The following NSMCE2 variants were observed in gnomAD, a reference collection of about 807,000 sequenced individuals.
The protein encoded by NSMCE2 is NSE2 SUMO ligase component of SMC5/6 complex.
A neutral mutation model predicts 23.8 loss-of-function variants in NSMCE2; 24 were observed. The ratio of observed to expected loss-of-function variants is 1.01; its 90% CI spans 0.73 to 1.42. The LOEUF (loss-of-function observed/expected upper bound fraction) is 1.42, where lower values mean the gene tolerates loss of function less well. Ranked by LOEUF, NSMCE2 falls within the 40% of genes most tolerant of loss-of-function variation. The pLI is 0.00. For missense variants in NSMCE2, 284 were observed against 296.5 expected, an observed-to-expected ratio of 0.96 and a Z score of 0.31; for synonymous variants, 92 against 94.1, an observed-to-expected ratio of 0.98 and a Z score of 0.13.
rs925164806 is a variant in NSMCE2, at chr8:125,132,493, A to T, written c.158-18678A>T. Reference sequence around the variant, plus strand: ...AAGACAATTTTTAAATTAAAAAAAAATTTTGGTTTTTTTTTTTGAGACAGG... The same window carrying T: ...AAGACAATTTTTAAATTAAAAAAAATTTTTGGTTTTTTTTTTTGAGACAGG... On this transcript the variant is annotated intron_variant, in intron 3 of 7. Coordinates refer to ENST00000287437, the MANE Select transcript of NSMCE2 (RefSeq NM_173685.4). Among the ~76,000 whole-genome samples, 23 of 142,156 alleles carry T rather than the reference A, an allele frequency of 1.6e-4. 1 individual carries two copies. Among genetic ancestry groups the T allele is most frequent in the Non-Finnish European group, 2.1e-4 (14 of 66,092 alleles). 93.3% of individuals were successfully genotyped at this position (142,156 alleles called of 152,430 possible).
At chr8:125,236,000 G>C (rs776951822) in intron 5 of NSMCE2, among the ~76,000 whole-genome samples, 1 of 152,186 alleles carries the variant, frequency 6.6e-6, no homozygotes, top group East Asian at 1.9e-4. Flanking sequence ...TGGCAGTTAG[G>C]TTATTTGAAC....
chr8:125,145,429 A>G (rs983120782), intron 3 of NSMCE2, among the ~76,000 whole-genome samples: 1 of 152,150 alleles, frequency 6.6e-6, no homozygotes, highest in Non-Finnish European at 1.5e-5. Context: ...ACTTCTTGCA[A>G]CAGTTTCTTA....
At chr8:125,141,734 C>T (rs1207184589) in intron 3 of NSMCE2, among the ~76,000 whole-genome samples, 2 of 152,184 alleles carry the variant, frequency 1.3e-5, no homozygotes, top group African/African-American at 4.8e-5. Flanking sequence ...TGTTTAGCCT[C>T]TACCCCAGTC....
intron 5 of NSMCE2, among the ~76,000 whole-genome samples, chr8:125,196,124 T>A (rs1230214288): frequency 6.6e-6 from 1 of 151,680 alleles, no homozygotes; most frequent in Non-Finnish European, 1.5e-5. Context: ...CCTTATGTGA[T>A]CCTCCTGCCT....
chr8:125,273,768 C>G (rs563595494), intron 5 of NSMCE2, among the ~76,000 whole-genome samples: 2 of 152,310 alleles, frequency 1.3e-5, no homozygotes, highest in African/African-American at 4.8e-5. Flanking sequence ...CCCTGTTCCT[C>G]ACTCATATTG....
chr8:125,305,343 G>A (rs1027519472), intron 5 of NSMCE2, among the ~76,000 whole-genome samples: 8 of 152,192 alleles, frequency 5.3e-5, no homozygotes, highest in African/African-American at 1.9e-4. Context: ...TAGCTAGTCA[G>A]TGTCTCCCTA....
chr8:125,271,226 A>C (rs763270952), intron 5 of NSMCE2, among the ~76,000 whole-genome samples: 1 of 151,028 alleles, frequency 6.6e-6, no homozygotes, highest in African/African-American at 2.4e-5. Context: ...ATGCCATTGC[A>C]CTGCAGACTG....
chr8:125,315,836 T>C (rs1434425165), intron 5 of NSMCE2, among the ~76,000 whole-genome samples: 1 of 151,888 alleles, frequency 6.6e-6, no homozygotes, highest in Non-Finnish European at 1.5e-5. Context: ...AGGGTTTCAC[T>C]CCGTCACCCA....
intron 7 of NSMCE2, among the ~76,000 whole-genome samples, chr8:125,358,195 T>TGG (rs1190623278): frequency 6.6e-6 from 1 of 151,932 alleles, no homozygotes; most frequent in Admixed American, 6.6e-5. Flanking sequence ...TAGCCAGGCT[T>TGG]GGTGGCAGGT....
At chr8:125,365,485 G>A (rs1563808548) in intron 7 of NSMCE2, among the ~76,000 whole-genome samples, 1 of 152,108 alleles carries the variant, frequency 6.6e-6, no homozygotes, top group East Asian at 1.9e-4. Context: ...AGCAGCCAGA[G>A]TAACATTTTC....
At chr8:125,216,842 G>A (rs946634998) in intron 5 of NSMCE2, among the ~76,000 whole-genome samples, 3 of 152,160 alleles carry the variant, frequency 2.0e-5, no homozygotes, top group Admixed American at 6.5e-5. Flanking sequence ...GTAAAGACGA[G>A]TTAGTGAAAT....
intron 5 of NSMCE2, among the ~76,000 whole-genome samples, chr8:125,211,872 A>G (rs1174760425): frequency 6.6e-6 from 1 of 152,206 alleles, no homozygotes; most frequent in Admixed American, 6.5e-5. Context: ...GCTCTTTGCA[A>G]TCTTAGATAA....
intron 3 of NSMCE2, among the ~76,000 whole-genome samples, chr8:125,147,744 G>A (rs1321972638): frequency 6.6e-6 from 1 of 152,140 alleles, no homozygotes; most frequent in Admixed American, 6.6e-5. Context: ...CCAACCCCCA[G>A]CAACTTTTTA....
chr8:125,273,456 A>G (rs1827314692), intron 5 of NSMCE2, among the ~76,000 whole-genome samples: 1 of 152,256 alleles, frequency 6.6e-6, no homozygotes, highest in African/African-American at 2.4e-5. Context: ...CTAAGCATTT[A>G]GTTGCACAAT....
At chr8:125,358,296 G>A (rs556573490) in intron 7 of NSMCE2, among the ~76,000 whole-genome samples, 1 of 151,174 alleles carries the variant, frequency 6.6e-6, no homozygotes, top group Admixed American at 6.6e-5. Flanking sequence ...TTGTGCCACT[G>A]CATTCCAACC....
At chr8:125,180,337 C>T (rs1324073917) in intron 4 of NSMCE2, among the ~76,000 whole-genome samples, 5 of 152,200 alleles carry the variant, frequency 3.3e-5, no homozygotes, top group Non-Finnish European at 7.3e-5. Context: ...CTAAAACTCT[C>T]TTTAATGGTG....
At chr8:125,331,717 C>T (rs1219611683) in intron 5 of NSMCE2, among the ~76,000 whole-genome samples, 5 of 152,154 alleles carry the variant, frequency 3.3e-5, no homozygotes, top group Non-Finnish European at 5.9e-5. Context: ...TGCTTCAGAA[C>T]CCAAATCCCC....
chr8:125,183,000 A>G (rs998574678), intron 5 of NSMCE2, among the ~76,000 whole-genome samples: 1 of 152,142 alleles, frequency 6.6e-6, no homozygotes, highest in African/African-American at 2.4e-5. Context: ...ATTAGCATCT[A>G]TTTAGTCCTG....
intron 1 of NSMCE2, among the ~76,000 whole-genome samples, chr8:125,092,753 C>A (rs1225443843): frequency 6.6e-6 from 1 of 152,192 alleles, no homozygotes; most frequent in African/African-American, 2.4e-5. Flanking sequence ...ACAACTTGTT[C>A]TAAACTTTCT....
Sources: gnomAD v4.1 joint callset for allele counts (sites outside exome capture counted in the v4.1 genomes callset) on GRCh38, gnomAD v4.1.1 for gene constraint, MANE v1.5 for transcripts, NCBI Gene and HGNC (gene_info 2026-07-23, HGNC 2026-07-21) for gene names.